CLEC16A: variants seen among roughly 807,000 people sequenced by gnomAD.
The protein encoded by CLEC16A is protein CLEC16A.
Under a neutral mutation model 109.5 loss-of-function variants are expected in CLEC16A, and 51 were observed. That is an observed-to-expected ratio of 0.47 (90% CI 0.37 to 0.59). The LOEUF (loss-of-function observed/expected upper bound fraction) is 0.59. Ranked by LOEUF, CLEC16A falls within the 20% of genes least tolerant of loss-of-function variation. The pLI is 0.00. For synonymous variants in CLEC16A, 673 were observed against 564.2 expected (o/e 1.19, Z -2.73); for missense variants, 1,339 against 1,394.0 (o/e 0.96, Z 0.63).
intron 3 of CLEC16A, among the ~76,000 whole-genome samples, chr16:10,965,055 T>A (rs1456812954): frequency 6.6e-6 from 1 of 152,214 alleles, no homozygotes; most frequent in African/African-American, 2.4e-5. Flanking sequence ...TCCTCCCCAG[T>A]CCCTGGTAAC....
chr16:11,171,706 G>A (rs1252955361), intron 23 of CLEC16A, among the ~76,000 whole-genome samples: 1 of 152,310 alleles, frequency 6.6e-6, no homozygotes, highest in East Asian at 1.9e-4. Flanking sequence ...CACATGTGGG[G>A]CCACAGGAAA....
chr16:11,086,368 C>G (rs2050008643), intron 19 of CLEC16A, among the ~76,000 whole-genome samples: 1 of 152,182 alleles, frequency 6.6e-6, no homozygotes, highest in Non-Finnish European at 1.5e-5. Context: ...GGAACTGTTT[C>G]CCCCTTACTG....
intron 19 of CLEC16A, among the ~76,000 whole-genome samples, chr16:11,088,067 C>T (rs1223649895): frequency 6.6e-6 from 1 of 152,262 alleles, no homozygotes; most frequent in Non-Finnish European, 1.5e-5. Context: ...AGAGCTTTCT[C>T]TCAGCTGGGG....
chr16:10,977,672 C>A (rs1228975383), intron 8 of CLEC16A, among the ~76,000 whole-genome samples: 2 of 152,130 alleles, frequency 1.3e-5, no homozygotes, highest in Non-Finnish European at 1.5e-5. Context: ...TACCACCACG[C>A]CTGACTAATT....
intron 19 of CLEC16A, among the ~76,000 whole-genome samples, chr16:11,099,477 G>A (rs1054381027): frequency 6.6e-6 from 1 of 152,248 alleles, no homozygotes; most frequent in African/African-American, 2.4e-5. Flanking sequence ...TAATTGAAAT[G>A]CAAATAGCCA....
intron 1 of CLEC16A, among the ~76,000 whole-genome samples, chr16:10,949,000 GA>G (rs2041582761): frequency 6.6e-6 from 1 of 152,196 alleles, no homozygotes; most frequent in African/African-American, 2.4e-5. Context: ...GGTATAGGGG[GA>G]TCTGATTGGC....
intron 19 of CLEC16A, among the ~76,000 whole-genome samples, chr16:11,112,703 T>C (rs2051681815): frequency 6.6e-6 from 1 of 152,034 alleles, no homozygotes; most frequent in African/African-American, 2.4e-5. Context: ...ACATATGACA[T>C]GCAGCAAATT....
At chr16:10,984,292 C>G (rs1260570512) in intron 10 of CLEC16A, among the ~76,000 whole-genome samples, 1 of 152,166 alleles carries the variant, frequency 6.6e-6, no homozygotes, top group Non-Finnish European at 1.5e-5. Flanking sequence ...ATTAGCGCCT[C>G]TGAAAAGCTT....
chr16:10,954,665 T>A lies in CLEC16A; in HGVS notation c.81-3117T>A, dbSNP rs538606582. On this transcript the variant is annotated intron_variant, in intron 1 of 23. Coordinates refer to ENST00000409790, the MANE Select transcript of CLEC16A (RefSeq NM_015226.3). This position sits in a 1 kb window ranked among gnomAD's most constrained non-coding sequence, Gnocchi z 4.2. ...ATGGAGGTGTGCTCAGACCCAGGCA[T>A]TCCAGTGTCTGTGATTAACCCTATG... Among the ~76,000 whole-genome samples the A allele has an allele frequency of 3.2e-4, 49 of 152,296 alleles. No individual in the cohort carries two copies. Among genetic ancestry groups the A allele is most frequent in the Non-Finnish European group, 4.6e-4 (31 of 68,022 alleles).
chr16:11,021,165 G>A (rs1451206080), intron 12 of CLEC16A, among the ~76,000 whole-genome samples: 2 of 152,216 alleles, frequency 1.3e-5, no homozygotes, highest in Non-Finnish European at 2.9e-5. Flanking sequence ...AACTTCAAGT[G>A]AAGATGTGAA....
intron 19 of CLEC16A, among the ~76,000 whole-genome samples, chr16:11,101,976 CT>C (rs35871397): frequency 0.12 from 15,819 of 129,408 alleles, 795 homozygotes; most frequent in African/African-American, 0.16. Flanking sequence ...ATAATTTTTG[CT>C]TTTTTTTTTT....
intron 19 of CLEC16A, among the ~76,000 whole-genome samples, chr16:11,085,274 C>T (rs1306722234): frequency 6.6e-6 from 1 of 152,254 alleles, no homozygotes; most frequent in Non-Finnish European, 1.5e-5. Context: ...CATTTTCACT[C>T]CACAGGCCTT....
At chr16:10,980,959 G>A (rs923948541) in intron 9 of CLEC16A, among the ~76,000 whole-genome samples, 4 of 152,216 alleles carry the variant, frequency 2.6e-5, no homozygotes, top group African/African-American at 4.8e-5. Context: ...TGGTGTGACA[G>A]GTGATGCTGT....
chr16:11,129,791 C>G (rs1395182518), intron 22 of CLEC16A, among the ~76,000 whole-genome samples: 1 of 139,750 alleles, frequency 7.2e-6, no homozygotes, highest in Non-Finnish European at 1.5e-5. Flanking sequence ...GAGATGGAGT[C>G]TCTCTCTGTC....
In CLEC16A at chr16:11,178,516, G is replaced by T; in HGVS notation, c.2988G>T (p.Glu996Asp). The T allele has an allele frequency of 6.2e-7, 1 of 1,613,436 alleles. No individual in the cohort carries two copies. Among genetic ancestry groups the T allele is most frequent in the Non-Finnish European group, 8.5e-7 (1 of 1,179,878 alleles). Residue 996 changes from glutamate to aspartate, a missense_variant, in exon 24 of 24, where the codon GAG becomes GAT. Around this residue, in one of 3 missense-constraint regions of CLEC16A, gnomAD observed 1,061 missense variants for 1,006.8 expected, o/e 1.05. Transcript: ENST00000409790. This position sits in a 1 kb window ranked among gnomAD's most constrained non-coding sequence, Gnocchi z 6.5. ...ARQPTISLLC[E>D]DTADTLSVES... ...AGCCCACCATTTCCCTGCTCTGCGAGGACACGGCTGACACGCTGAGCGTCG... is the reference window on the plus strand; with the variant it reads ...AGCCCACCATTTCCCTGCTCTGCGATGACACGGCTGACACGCTGAGCGTCG...
At position 11,123,943 on chromosome 16, in the gene CLEC16A, G is replaced by A; in HGVS notation, c.2470G>A (p.Ala824Thr). Residue 824 changes from alanine (A) to threonine (T), a missense_variant, in exon 21 of 24, where the codon GCT becomes ACT. Around this residue, in one of 3 missense-constraint regions of CLEC16A, gnomAD observed 1,061 missense variants for 1,006.8 expected, o/e 1.05. Coordinates refer to ENST00000409790, the MANE Select transcript of CLEC16A (RefSeq NM_015226.3). The stretch of plus-strand genomic sequence containing the variant: ...AAGGCGCATGAAGATGCAGAGAATA[G>A]CTGGTGAGTGGCTGGACCCTGGCAG... ...QARRMKMQRIAALLDLPIQPT... is the reference protein window; with the variant it reads ...QARRMKMQRITALLDLPIQPT... 6.2e-7 allele frequency: 1 copy of A among 1,602,738 alleles called. No homozygotes were observed. The highest frequency in any genetic ancestry group is 8.5e-7 in the Non-Finnish European group (1 of 1,174,796).
At chr16:11,120,811 A>AACAC (rs3217121) in intron 20 of CLEC16A, 45 bp downstream of exon 20, 9,497 of 933,002 alleles carry the variant, frequency 0.01, 122 homozygotes, top group African/African-American at 0.069. Context: ...GTTGGCTACA[A>AACAC]ACACACACAC....
At position 10,981,251 on chromosome 16, in the gene CLEC16A, G is replaced by A. The variant is rs532632310; in HGVS notation, c.958-1627G>A. ...TTCAAGGTACGTAACGGATATTTGA[G>A]AATGAATGACCACAGTGATTGGTGT... is the stretch of plus-strand genomic sequence containing the variant. On this transcript the variant is annotated intron_variant, in intron 9 of 23. Coordinates refer to ENST00000409790, the MANE Select transcript of CLEC16A (RefSeq NM_015226.3). 2.0e-5 allele frequency among the ~76,000 whole-genome samples: 3 copies of A among 152,334 alleles called. No homozygotes were observed. In the South Asian group the frequency reaches 6.2e-4, roughly 32 times the overall value.
intron 19 of CLEC16A, among the ~76,000 whole-genome samples, chr16:11,091,968 G>A (rs760030144): frequency 6.6e-5 from 10 of 152,128 alleles, no homozygotes; most frequent in Non-Finnish European, 1.0e-4. Context: ...AGGCTTCCCC[G>A]TCGGCTGCCC....
Sources: allele counts gnomAD v4.1 joint callset (sites outside exome capture counted in the v4.1 genomes callset), GRCh38; gene constraint gnomAD v4.1.1; regional missense constraint gnomAD v4.1.1; non-coding constraint Gnocchi (gnomAD v3.1); transcripts MANE v1.5; gene names NCBI Gene and HGNC (gene_info 2026-07-23, HGNC 2026-07-21).